ATF6: variants seen among roughly 807,000 people sequenced by gnomAD.
ATF6 encodes the protein cyclic AMP-dependent transcription factor ATF-6 alpha.
ATF6 carries 53 observed loss-of-function variants against 83.6 expected under a neutral mutation model. The ratio of observed to expected loss-of-function variants is 0.63; its 90% confidence interval spans 0.51 to 0.80. ATF6 has a LOEUF of 0.80. Ranked by LOEUF, ATF6 falls within the 30% of genes least tolerant of loss-of-function variation. The probability of loss-of-function intolerance (pLI) is 0.00; values close to 1 mark genes in which losing one functional copy is unlikely to be tolerated. For synonymous variants in ATF6, 288 were observed against 285.8 expected (o/e 1.01, Z -0.08); for missense variants, 744 against 797.9 (o/e 0.93, Z 0.81).
intron 15 of ATF6, among the ~76,000 whole-genome samples, chr1:161,934,555 G>C (rs1224296841): frequency 1.3e-5 from 2 of 152,080 alleles, no homozygotes; most frequent in African/African-American, 4.8e-5. Context: ...TAATTCTAAG[G>C]ATCCTGGGTT....
chr1:161,949,964 C>G (rs1250878014), intron 15 of ATF6, among the ~76,000 whole-genome samples: 1 of 152,200 alleles, frequency 6.6e-6, no homozygotes, highest in Non-Finnish European at 1.5e-5. Flanking sequence ...CAGTGTTATA[C>G]AAACTGCTTT....
At chr1:161,916,026 C>G (rs144814236) in intron 15 of ATF6, among the ~76,000 whole-genome samples, 1 of 152,192 alleles carries the variant, frequency 6.6e-6, no homozygotes, top group Non-Finnish European at 1.5e-5. Flanking sequence ...AAAAGACTTA[C>G]ACTCACTGCT....
chr1:161,766,642 T>C (rs570663720), intron 1 of ATF6, among the ~76,000 whole-genome samples, 200 bp downstream of exon 1: 2 of 152,300 alleles, frequency 1.3e-5, no homozygotes, highest in Admixed American at 1.3e-4. Flanking sequence ...GAGAGTAGAA[T>C]ATTGTCTAAC....
At chr1:161,860,128 T>A (rs1376727575) in intron 12 of ATF6, 79 bp from the exon 13 acceptor site, 4 of 898,652 alleles carry the variant, frequency 4.5e-6, no homozygotes. Context: ...CAAATTTAAG[T>A]ATAGAATGAA....
At chr1:161,917,541 C>A (rs1051576645) in intron 15 of ATF6, among the ~76,000 whole-genome samples, 2 of 152,048 alleles carry the variant, frequency 1.3e-5, no homozygotes, top group African/African-American at 4.8e-5. Flanking sequence ...CTGCCTCAGC[C>A]TCCCGAGTAG....
intron 2 of ATF6, 74 bp from the exon 3 acceptor site, chr1:161,781,838 G>T: frequency 2.0e-6 from 2 of 976,692 alleles, no homozygotes; most frequent in Non-Finnish European, 3.1e-6. Flanking sequence ...GTGCCAAATT[G>T]TGTCTCACAG....
chr1:161,818,100 C>CAAA (rs778851235), intron 7 of ATF6, among the ~76,000 whole-genome samples: 3 of 79,764 alleles, frequency 3.8e-5, no homozygotes, highest in African/African-American at 1.4e-4. Flanking sequence ...GACTCCATCT[C>CAAA]AAAAAAAAAA....
At chr1:161,905,318 A>T (rs957228620) in intron 14 of ATF6, among the ~76,000 whole-genome samples, 1 of 152,174 alleles carries the variant, frequency 6.6e-6, no homozygotes, top group African/African-American at 2.4e-5. Flanking sequence ...TCTCAACCCA[A>T]TATGTTCCTT....
intron 14 of ATF6, among the ~76,000 whole-genome samples, chr1:161,869,349 C>T (rs1473201871): frequency 6.6e-6 from 1 of 151,708 alleles, no homozygotes; most frequent in African/African-American, 2.4e-5. Context: ...ATAAAATCTT[C>T]AGAGGCAGGA....
intron 14 of ATF6, among the ~76,000 whole-genome samples, chr1:161,902,664 A>G (rs1687809999): frequency 6.6e-6 from 1 of 152,256 alleles, no homozygotes; most frequent in African/African-American, 2.4e-5. Context: ...GCTAGTTTAC[A>G]TTATAAATCG....
intron 15 of ATF6, among the ~76,000 whole-genome samples, chr1:161,921,938 T>C (rs1688220765): frequency 6.6e-6 from 1 of 152,142 alleles, no homozygotes; most frequent in Admixed American, 6.5e-5. Flanking sequence ...GCAAGAAATA[T>C]AGAGTGGGAA....
chr1:161,796,010 A>G, intron 6 of ATF6, among the ~76,000 whole-genome samples: 1 of 152,180 alleles, frequency 6.6e-6, no homozygotes, highest in East Asian at 1.9e-4. Context: ...TTGATACAAT[A>G]TGGGAAAAAA....
chr1:161,889,131 A>T (rs1389659626), intron 14 of ATF6, among the ~76,000 whole-genome samples: 6 of 152,234 alleles, frequency 3.9e-5, no homozygotes, highest in African/African-American at 1.4e-4. Flanking sequence ...TTGAACACAG[A>T]TTGCTGCCTT....
chr1:161,918,782 C>T (rs771457175), intron 15 of ATF6, among the ~76,000 whole-genome samples: 6 of 152,068 alleles, frequency 3.9e-5, no homozygotes, highest in Non-Finnish European at 8.8e-5. Context: ...TCAAGTGGAG[C>T]TTGTAAAATT....
intron 14 of ATF6, among the ~76,000 whole-genome samples, chr1:161,866,255 A>G (rs998271922): frequency 6.6e-6 from 1 of 152,248 alleles, no homozygotes; most frequent in African/African-American, 2.4e-5. Context: ...ATATCTAAAG[A>G]TGTAGAAGTA....
intron 6 of ATF6, among the ~76,000 whole-genome samples, chr1:161,797,138 C>T (rs1685040480): frequency 6.6e-6 from 1 of 152,034 alleles, no homozygotes; most frequent in African/African-American, 2.4e-5. Flanking sequence ...GAGGCCACCT[C>T]AAAACAAATT....
chr1:161,843,033 T>C (rs1451830856), intron 9 of ATF6, among the ~76,000 whole-genome samples: 1 of 152,258 alleles, frequency 6.6e-6, no homozygotes, highest in Non-Finnish European at 1.5e-5. Flanking sequence ...TTCAGTGTGG[T>C]AGATGGCTGG....
chr1:161,767,127 A>C (rs1004664756), intron 1 of ATF6, among the ~76,000 whole-genome samples: 6 of 152,206 alleles, frequency 3.9e-5, no homozygotes, highest in Admixed American at 1.3e-4. Context: ...AAGTATTTAG[A>C]GGAGACTTTT....
At chr1:161,871,879 A>T (rs1310049260) in intron 14 of ATF6, among the ~76,000 whole-genome samples, 1 of 151,402 alleles carries the variant, frequency 6.6e-6, no homozygotes, top group African/African-American at 2.4e-5. Flanking sequence ...CCTCTTAGAA[A>T]GCTGTAGTAT....
Sources: gnomAD v4.1 joint callset for allele counts (sites outside exome capture counted in the v4.1 genomes callset) on GRCh38, gnomAD v4.1.1 for gene constraint, MANE v1.5 for transcripts, NCBI Gene and HGNC (gene_info 2026-07-23, HGNC 2026-07-21) for gene names.